Variants in GAN observed in about 807,000 individuals in gnomAD.
GAN encodes epididymis secretory sperm binding protein.
Under a neutral mutation model 71.3 loss-of-function variants are expected in GAN, and 48 were observed. That is an observed-to-expected ratio of 0.67 (90% CI 0.53 to 0.86). The LOEUF (loss-of-function observed/expected upper bound fraction) is 0.86, where lower values mean the gene tolerates loss of function less well. GAN is among the 40% of genes least tolerant of loss of function. The pLI, the probability that GAN is intolerant of heterozygous loss-of-function variation, is 0.00. For missense variants in GAN, 928 were observed against 770.1 expected (o/e 1.21, Z -2.43); for synonymous variants, 386 against 276.8 (o/e 1.39, Z -3.92).
At position 81,381,909 on chromosome 16, in the gene GAN, C is replaced by G. The variant is rs778476347; in HGVS notation, c.*4313C>G. ...GCATGGGCCGGCCTCCTATATGGAGCTGAAACTAGTATAGCATAAACAATG... is the reference window on the plus strand; with the variant it reads ...GCATGGGCCGGCCTCCTATATGGAGGTGAAACTAGTATAGCATAAACAATG... On this transcript the variant is annotated 3_prime_UTR_variant, in exon 11 of 11. Coordinates refer to ENST00000648994, the MANE Select transcript of GAN (RefSeq NM_022041.4). 5 of 152,152 alleles carry G rather than the reference C, an allele frequency of 3.3e-5. No individual in the cohort carries two copies. The highest frequency in any genetic ancestry group is 6.5e-5 in the Admixed American group (1 of 15,276). The allele number at this position is 152,152 out of a possible 1,614,324, so 9.4% of individuals were successfully genotyped here.
At chr16:81,325,414 C>T (rs1173234131) in intron 1 of GAN, among the ~76,000 whole-genome samples, 1 of 152,138 alleles carries the variant, frequency 6.6e-6, no homozygotes, top group Non-Finnish European at 1.5e-5. Context: ...GCAGGAACAT[C>T]AGGCTTGTGT....
At chr16:81,374,255 A>G (rs1904275273) in intron 9 of GAN, among the ~76,000 whole-genome samples, 1 of 152,228 alleles carries the variant, frequency 6.6e-6, no homozygotes, top group African/African-American at 2.4e-5. Flanking sequence ...TGCTGGTGAC[A>G]TTAACCTTGA....
Position 81,377,468 on chromosome 16 carries a change from C to T in GAN, c.1666C>T (p.His556Tyr). The stretch of plus-strand genomic sequence containing the variant: ...TAAAAGAAGCACAGGAACCTGGCAC[C>T]ACACTAAACCACTCCTTCCATCCGA... ...EFKRSTGTWH[H>Y]TKPLLPSDLR... The change falls in exon 11 of 11, where the codon CAC becomes TAC. Residue 556 changes from histidine (H) to tyrosine (Y), a missense_variant. Transcript: ENST00000648994. The T allele has an allele frequency of 1.2e-6, 2 of 1,614,064 alleles. No homozygotes were observed. Among genetic ancestry groups the T allele is most frequent in the Non-Finnish European group, 1.7e-6 (2 of 1,179,922 alleles).
intron 2 of GAN, 49 bp from the exon 3 acceptor site, chr16:81,354,356 G>A (rs1465768858): frequency 4.9e-6 from 6 of 1,214,770 alleles, no homozygotes; most frequent in Non-Finnish European, 7.3e-6. Flanking sequence ...AGTGGTTTGG[G>A]TTTTAAATGT....
At chr16:81,347,925 G>C (rs112210768) in intron 1 of GAN, among the ~76,000 whole-genome samples, 1 of 151,802 alleles carries the variant, frequency 6.6e-6, no homozygotes, top group East Asian at 1.9e-4. Flanking sequence ...TTTGGTTGGG[G>C]GGACATTACT....
chr16:81,367,460 T>G (rs181137499), intron 9 of GAN, among the ~76,000 whole-genome samples: 15 of 152,018 alleles, frequency 9.9e-5, no homozygotes, highest in African/African-American at 3.4e-4. Context: ...ACCCAGGAGG[T>G]GGAGTGTGCA....
chr16:81,320,172 A>G (rs1314559712), intron 1 of GAN, among the ~76,000 whole-genome samples: 1 of 152,232 alleles, frequency 6.6e-6, no homozygotes, highest in African/African-American at 2.4e-5. Context: ...TGACTCACAG[A>G]TGATACTGAT....
intron 1 of GAN, among the ~76,000 whole-genome samples, chr16:81,333,347 C>G (rs934351427): frequency 6.6e-6 from 1 of 152,006 alleles, no homozygotes; most frequent in Non-Finnish European, 1.5e-5. Context: ...ATATCCCATT[C>G]CTCACTAACC....
chr16:81,340,312 A>G (rs189943675), intron 1 of GAN, among the ~76,000 whole-genome samples: 13 of 152,350 alleles, frequency 8.5e-5, no homozygotes, highest in Non-Finnish European at 1.6e-4. Flanking sequence ...CTTAAAAAAA[A>G]TAATAAAACC....
chr16:81,350,200 C>A (rs191234976), intron 1 of GAN, among the ~76,000 whole-genome samples: 6 of 151,860 alleles, frequency 4.0e-5, no homozygotes, highest in Non-Finnish European at 8.8e-5. Flanking sequence ...GAAAAATGAA[C>A]AAGAAACATG....
intron 6 of GAN, among the ~76,000 whole-genome samples, chr16:81,363,090 A>G (rs902895181): frequency 6.6e-6 from 1 of 152,248 alleles, no homozygotes; most frequent in African/African-American, 2.4e-5. Flanking sequence ...CTACATAAAT[A>G]TTCATTGACA....
chr16:81,360,807 TTACTA>T (rs1910648469), intron 5 of GAN, among the ~76,000 whole-genome samples: 1 of 152,238 alleles, frequency 6.6e-6, no homozygotes, highest in Admixed American at 6.5e-5. Context: ...ATCTTTCTGG[TTACTA>T]TAATATTTGA....
chr16:81,366,942 G>A (rs1397354241), intron 9 of GAN, among the ~76,000 whole-genome samples: 2 of 151,748 alleles, frequency 1.3e-5, no homozygotes, highest in Non-Finnish European at 1.5e-5. Flanking sequence ...CTTCCACCTC[G>A]GCCTCCCAAG....
At chr16:81,323,383 A>G (rs1048060512) in intron 1 of GAN, among the ~76,000 whole-genome samples, 4 of 152,164 alleles carry the variant, frequency 2.6e-5, no homozygotes, top group Non-Finnish European at 5.9e-5. Flanking sequence ...TGAGCAAAAG[A>G]GGTTACCATT....
At chr16:81,358,331 A>T (rs557364165) in intron 5 of GAN, among the ~76,000 whole-genome samples, 1 of 152,192 alleles carries the variant, frequency 6.6e-6, no homozygotes, top group Non-Finnish European at 1.5e-5. Context: ...TATGTTATAT[A>T]AGGCCGAGTG....
rs879253958 is a variant in GAN at position 81,377,430 on chromosome 16, A to G, written c.1628A>G (p.Tyr543Cys). 6.2e-7 allele frequency: 1 copy of G among 1,613,880 alleles called. No homozygotes were observed. The highest frequency in any genetic ancestry group is 1.3e-5 in the African/African-American group (1 of 74,896). Residue 543 changes from tyrosine to cysteine, a missense_variant, in exon 11 of 11, where the codon TAC becomes TGC. By Grantham distance (194) the Tyr-to-Cys change is radical. Coordinates refer to ENST00000648994, the MANE Select transcript of GAN (RefSeq NM_022041.4). ...TGTGGCTTAGGTACCAATTACGACT[A>G]CGTGCGTGAGTTTAAAAGAAGCACA... is the stretch of plus-strand genomic sequence containing the variant. The part of the protein sequence containing the change: ...GDLDTGTNYD[Y>C]VREFKRSTGT...
intron 1 of GAN, among the ~76,000 whole-genome samples, chr16:81,316,925 C>T (rs1183324429): frequency 6.6e-6 from 1 of 152,172 alleles, no homozygotes; most frequent in African/African-American, 2.4e-5. Context: ...GTGGCGTGAT[C>T]TCGGCCCACT....
chr16:81,342,393 C>T (rs189938746), intron 1 of GAN, among the ~76,000 whole-genome samples: 10 of 152,248 alleles, frequency 6.6e-5, no homozygotes, highest in African/African-American at 2.4e-4. Context: ...GTAAAGCACT[C>T]CTAGGCAAAT....
chr16:81,325,425 T>C (rs1219470262), intron 1 of GAN, among the ~76,000 whole-genome samples: 1 of 152,070 alleles, frequency 6.6e-6, no homozygotes, highest in East Asian at 1.9e-4. Context: ...AGGCTTGTGT[T>C]TGGGGTAGTG....
Sources: allele counts gnomAD v4.1 joint callset (sites outside exome capture counted in the v4.1 genomes callset), GRCh38; gene constraint gnomAD v4.1.1; transcripts MANE v1.5; gene names NCBI Gene and HGNC (gene_info 2026-07-23, HGNC 2026-07-21).